PKN2: variants seen among roughly 807,000 people sequenced by gnomAD.
PKN2 encodes the protein serine/threonine-protein kinase N2.
PKN2 carries 38 observed loss-of-function variants against 119.1 expected under a neutral mutation model. The observed-to-expected ratio is 0.32, with a 90% CI of 0.25 to 0.42. The LOEUF (loss-of-function observed/expected upper bound fraction) is 0.42, where lower values mean the gene tolerates loss of function less well. Among genes scored for constraint, PKN2 ranks in the 10% least tolerant of loss-of-function variants. The pLI is 1.00. For synonymous variants in PKN2, 390 were observed against 384.9 expected (o/e 1.01, Z -0.15); for missense variants, 850 against 1,165.1 (o/e 0.73, Z 3.94).
chr1:88,817,739 C>T (rs112812097), intron 16 of PKN2, among the ~76,000 whole-genome samples: 5 of 151,288 alleles, frequency 3.3e-5, no homozygotes, highest in African/African-American at 9.7e-5. Context: ...AAAAGGCCTT[C>T]GATAAAATTC....
At chr1:88,704,563 A>T (rs1310063391) in intron 1 of PKN2, among the ~76,000 whole-genome samples, 1 of 152,180 alleles carries the variant, frequency 6.6e-6, no homozygotes, top group Non-Finnish European at 1.5e-5. Context: ...TTAAAAAGCT[A>T]CCAAATGATT....
chr1:88,786,471 G>C (rs1273023086), intron 8 of PKN2, among the ~76,000 whole-genome samples: 1 of 152,158 alleles, frequency 6.6e-6, no homozygotes, highest in Non-Finnish European at 1.5e-5. Flanking sequence ...AGATCAGTAA[G>C]GTGTAATATT....
At chr1:88,715,770 G>A (rs1339975658) in intron 1 of PKN2, among the ~76,000 whole-genome samples, 1 of 152,026 alleles carries the variant, frequency 6.6e-6, no homozygotes, top group Non-Finnish European at 1.5e-5. Context: ...ATTTTTTGAA[G>A]GGTTCTTTGT....
At chr1:88,698,070 C>T (rs1403207909) in intron 1 of PKN2, among the ~76,000 whole-genome samples, 5 of 152,154 alleles carry the variant, frequency 3.3e-5, no homozygotes, top group Non-Finnish European at 7.4e-5. Flanking sequence ...GTAGCTTGCA[C>T]ATAGCAGTGT....
chr1:88,751,494 T>G (rs1195642919), intron 2 of PKN2, among the ~76,000 whole-genome samples: 1 of 152,046 alleles, frequency 6.6e-6, no homozygotes, highest in Non-Finnish European at 1.5e-5. Context: ...ATATAACTAG[T>G]TCCCTGTATT....
chr1:88,749,552 G>A (rs1274684089), intron 2 of PKN2, among the ~76,000 whole-genome samples: 1 of 152,092 alleles, frequency 6.6e-6, no homozygotes, highest in Admixed American at 6.6e-5. Flanking sequence ...AAGGGCTATC[G>A]CAAGTATATA....
Position 88,835,856 on chromosome 1 carries a change from A to G in PKN2, c.*2408A>G, listed in dbSNP as rs1672925362. On this transcript the variant is annotated 3_prime_UTR_variant, in exon 22 of 22. Transcript: ENST00000370521. ...TTAGAAACTTCCTAATGATTAAAAT[A>G]TACTTTAACTTTTCTGTGTTCAAAA... 1 of 152,230 alleles carries G rather than the reference A, an allele frequency of 6.6e-6. No homozygotes were observed. The highest frequency in any genetic ancestry group is 1.5e-5 in the Non-Finnish European group (1 of 67,922). 9.4% of individuals were successfully genotyped at this position (152,230 alleles called of 1,614,324 possible).
chr1:88,780,535 C>T (rs1415358607), intron 6 of PKN2, among the ~76,000 whole-genome samples: 1 of 152,094 alleles, frequency 6.6e-6, no homozygotes, highest in Non-Finnish European at 1.5e-5. Context: ...AATGTCTTTG[C>T]CTTAGTATTC....
intron 9 of PKN2, 37 bp from the exon 10 acceptor site, chr1:88,804,809 G>T: frequency 9.1e-7 from 1 of 1,095,012 alleles, no homozygotes; most frequent in South Asian, 1.4e-5. Context: ...CATGAACCAT[G>T]CTATTTTCAT....
intron 1 of PKN2, among the ~76,000 whole-genome samples, chr1:88,733,149 A>G: frequency 6.6e-6 from 1 of 152,240 alleles, no homozygotes; most frequent in Non-Finnish European, 1.5e-5. Context: ...TGTAATAAAC[A>G]TAGGAGTGCA....
chr1:88,717,292 G>A (rs1667493863), intron 1 of PKN2, among the ~76,000 whole-genome samples: 1 of 152,102 alleles, frequency 6.6e-6, no homozygotes, highest in Non-Finnish European at 1.5e-5. Flanking sequence ...CTCTTCTCGA[G>A]GAGTATCTTT....
chr1:88,725,662 A>G (rs779206972), intron 1 of PKN2, among the ~76,000 whole-genome samples: 2 of 152,124 alleles, frequency 1.3e-5, no homozygotes, highest in African/African-American at 4.8e-5. Context: ...GTGATTTGCA[A>G]ATATTTTCTT....
Position 88,691,756 on chromosome 1 carries a change from A to G in PKN2, c.48+7128A>G, listed in dbSNP as rs74749520. On this transcript the variant is annotated intron_variant, in intron 1 of 21. Coordinates refer to ENST00000370521, the MANE Select transcript of PKN2 (RefSeq NM_006256.4). ...TCCTTATCCACGGTTTCAGTTACCC[A>G]TGGTCAACTGTGGTCCAAAAATAGG... 1.2e-3 allele frequency among the ~76,000 whole-genome samples: 190 copies of G among 152,296 alleles called. 3 individuals carry two copies. In the East Asian group the frequency reaches 0.027, roughly 22 times the overall value.
chr1:88,725,142 A>G (rs1667848969), intron 1 of PKN2, among the ~76,000 whole-genome samples: 2 of 152,082 alleles, frequency 1.3e-5, no homozygotes, highest in Non-Finnish European at 2.9e-5. Context: ...GTTGAAGAAC[A>G]TTGGGTTATT....
At chr1:88,688,235 G>T (rs1666184989) in intron 1 of PKN2, among the ~76,000 whole-genome samples, 1 of 152,104 alleles carries the variant, frequency 6.6e-6, no homozygotes, top group South Asian at 2.1e-4. Flanking sequence ...ACAGGCACCT[G>T]CCACCACACC....
intron 7 of PKN2, 146 bp downstream of exon 7, chr1:88,784,970 A>G (rs1670513703): frequency 2.2e-6 from 1 of 463,226 alleles, no homozygotes; most frequent in Admixed American, 4.2e-5. Flanking sequence ...GATGTCAGGA[A>G]ACAAAAAGGC....
intron 12 of PKN2, 62 bp downstream of exon 12, chr1:88,806,079 A>T: frequency 2.2e-6 from 3 of 1,377,348 alleles, no homozygotes; most frequent in Non-Finnish European, 3.1e-6. Flanking sequence ...TAAAAGCATC[A>T]TAGTGAATAA....
intron 19 of PKN2, chr1:88,829,146 GA>G: frequency 1.4e-6 from 1 of 739,514 alleles, no homozygotes; most frequent in South Asian, 1.4e-5. Flanking sequence ...TGAAGGCCCT[GA>G]TGCCATGTAT....
intron 1 of PKN2, among the ~76,000 whole-genome samples, chr1:88,722,889 G>A (rs1024927263): frequency 3.3e-5 from 5 of 152,086 alleles, no homozygotes; most frequent in African/African-American, 7.2e-5. Flanking sequence ...TAGAAAGCCT[G>A]TCTTATCATC....
Sources: gnomAD v4.1 joint callset for allele counts (sites outside exome capture counted in the v4.1 genomes callset) on GRCh38, gnomAD v4.1.1 for gene constraint, MANE v1.5 for transcripts, NCBI Gene and HGNC (gene_info 2026-07-23, HGNC 2026-07-21) for gene names.